Variants in RNF20 observed in about 807,000 individuals in gnomAD.
The protein encoded by RNF20 is ring finger protein 20.
Under a neutral mutation model 126.2 loss-of-function variants are expected in RNF20, and 84 were observed. That is an observed-to-expected ratio of 0.67 (90% confidence interval 0.56 to 0.80). RNF20 has a LOEUF of 0.80. Ranked by LOEUF, RNF20 falls within the 30% of genes least tolerant of loss-of-function variation. The pLI is 0.00. For synonymous variants in RNF20, 400 were observed against 414.3 expected (o/e 0.97, Z 0.42); for missense variants, 869 against 1,188.2 (o/e 0.73, Z 3.95).
At chr9:101,559,200 G>C (rs1471204188) in intron 16 of RNF20, among the ~76,000 whole-genome samples, 1 of 152,052 alleles carries the variant, frequency 6.6e-6, no homozygotes, top group African/African-American at 2.4e-5. Context: ...TCAAAGATCA[G>C]TTGACTACGT....
intron 13 of RNF20, among the ~76,000 whole-genome samples, chr9:101,553,189 T>C (rs751263588): frequency 3.3e-5 from 5 of 152,214 alleles, no homozygotes; most frequent in Admixed American, 6.5e-5. Flanking sequence ...GGTTTGTGAA[T>C]ATGCCATATC....
chr9:101,546,434 G>GT (rs1827348496), intron 6 of RNF20, among the ~76,000 whole-genome samples: 1 of 152,000 alleles, frequency 6.6e-6, no homozygotes, highest in African/African-American at 2.4e-5. Context: ...AAATTTGGGG[G>GT]TAAAAATGGT....
chr9:101,547,190 C>T lies in RNF20; in HGVS notation c.948C>T (p.Gly316=). 2 of 1,614,100 alleles carry T rather than the reference C, an allele frequency of 1.2e-6. No homozygotes were observed. Among genetic ancestry groups the T allele is most frequent in the Non-Finnish European group, 1.7e-6 (2 of 1,179,992 alleles). Residue 316 remains glycine, a synonymous_variant, in exon 8 of 20, where the codon GGC becomes GGT. Coordinates refer to ENST00000389120, the MANE Select transcript of RNF20 (RefSeq NM_019592.7). ...GAGCGGGGAGCAGTCTGTATGGCGG[C>T]ACAATCACTATCAATGCTCGGAAGG... The part of the protein sequence containing the change: ...VYGAGSSLYG[G]TITINARKFE...
chr9:101,535,698 G>A (rs1478577447), intron 2 of RNF20, 146 bp downstream of exon 2: 2 of 772,848 alleles, frequency 2.6e-6, no homozygotes, highest in Non-Finnish European at 4.1e-6. Flanking sequence ...GTAAAATGAT[G>A]TGGTAGTCAG....
At chr9:101,552,025 T>G (rs1827454395) in intron 11 of RNF20, 116 bp from the exon 12 acceptor site, 1 of 1,418,218 alleles carries the variant, frequency 7.1e-7, no homozygotes, top group African/African-American at 1.4e-5. Context: ...AGAAGGAATC[T>G]TTTATTTGGT....
intron 9 of RNF20, 57 bp from the exon 10 acceptor site, chr9:101,550,549 C>A: frequency 6.8e-7 from 1 of 1,479,440 alleles, no homozygotes; most frequent in South Asian, 1.2e-5. Flanking sequence ...TACTTCCTGT[C>A]TAGCGTCTGG....
At chr9:101,538,264 TTGA>T (rs762155986) in intron 2 of RNF20, among the ~76,000 whole-genome samples, 10 of 152,262 alleles carry the variant, frequency 6.6e-5, no homozygotes, top group Admixed American at 4.6e-4. Flanking sequence ...GGTCAGTGAC[TTGA>T]TGATTCAAGT....
chr9:101,535,921 T>C (rs1827776523), intron 2 of RNF20, among the ~76,000 whole-genome samples: 2 of 152,040 alleles, frequency 1.3e-5, no homozygotes, highest in Non-Finnish European at 2.9e-5. Context: ...AGAGTGAGAG[T>C]CTGAGACCAG....
At chr9:101,545,020 C>T in intron 6 of RNF20, 135 bp downstream of exon 6, 1 of 661,028 alleles carries the variant, frequency 1.5e-6, no homozygotes, top group South Asian at 1.7e-5. Flanking sequence ...AAACACAACA[C>T]AACTCCAAAC....
At position 101,535,466 on chromosome 9, in the gene RNF20, A is replaced by G. The variant is rs1827168235; in HGVS notation, c.43A>G (p.Thr15Ala). The change falls in exon 2 of 20, where the codon ACC becomes GCC. Residue 15 changes from threonine (T) to alanine (A), a missense_variant. By Grantham distance (58) the Thr-to-Ala change is moderately conservative. Transcript: ENST00000389120. ...GNKRAAGEPG[T>A]SMPPEKKAAV... is the part of the protein sequence containing the mutation. ...TAAAAGAGCAGCTGGAGAACCTGGC[A>G]CCTCCATGCCTCCTGAGAAGAAGGC... The G allele has an allele frequency of 1.2e-6, 2 of 1,613,760 alleles. No homozygotes were observed. The highest frequency in any genetic ancestry group is 1.7e-6 in the Non-Finnish European group (2 of 1,179,910).
chr9:101,558,524 C>T (rs1055833415), intron 16 of RNF20, among the ~76,000 whole-genome samples: 2 of 152,174 alleles, frequency 1.3e-5, no homozygotes, highest in Non-Finnish European at 2.9e-5. Context: ...TTCCCACCAA[C>T]AGTGTAAAAG....
intron 13 of RNF20, 114 bp from the exon 14 acceptor site, chr9:101,553,874 T>C: frequency 3.3e-6 from 2 of 598,280 alleles, no homozygotes; most frequent in Non-Finnish European, 5.9e-6. Flanking sequence ...AGGTGTGATA[T>C]GAAATGTAAA....
chr9:101,546,451 GA>G (rs1363211479), intron 6 of RNF20, among the ~76,000 whole-genome samples: 1 of 151,722 alleles, frequency 6.6e-6, no homozygotes, highest in Non-Finnish European at 1.5e-5. Context: ...TGGTTTTTTT[GA>G]AAAAATATTT....
chr9:101,550,430 C>T (rs1827423989), intron 9 of RNF20, among the ~76,000 whole-genome samples, 176 bp from the exon 10 acceptor site: 1 of 152,124 alleles, frequency 6.6e-6, no homozygotes, highest in Non-Finnish European at 1.5e-5. Context: ...CCTAGTTAGT[C>T]TAATTTAATT....
intron 9 of RNF20, among the ~76,000 whole-genome samples, chr9:101,549,832 G>C (rs989223646): frequency 1.3e-5 from 2 of 152,170 alleles, no homozygotes; most frequent in South Asian, 4.1e-4. Context: ...TATGATTATA[G>C]AGCGAGGATT....
At chr9:101,547,841 A>G (rs1352533034) in intron 9 of RNF20, among the ~76,000 whole-genome samples, 2 of 152,226 alleles carry the variant, frequency 1.3e-5, no homozygotes, top group Admixed American at 6.5e-5. Context: ...AGGATAAGAA[A>G]TAAAGGCCTC....
intron 9 of RNF20, among the ~76,000 whole-genome samples, chr9:101,550,168 A>G (rs1387847376): frequency 6.6e-6 from 1 of 152,260 alleles, no homozygotes; most frequent in Non-Finnish European, 1.5e-5. Context: ...AAGTTAAATC[A>G]GTTAAAAGTG....
rs1172076089 is a variant in RNF20, at chr9:101,540,463, T to G, written c.298-27T>G. ...TTTCCAAAGTTGTGTCCTTTGTTTC[T>G]TCATAATTGTACCTACCCTTCTCCA... On this transcript the variant is annotated intron_variant, in intron 3 of 19. Coordinates refer to ENST00000389120, the MANE Select transcript of RNF20 (RefSeq NM_019592.7). 8 of 1,612,036 alleles carry G rather than the reference T, an allele frequency of 5.0e-6. No individual in the cohort carries two copies. The South Asian group carries it at 8.8e-5, about 18-fold the overall frequency.
intron 10 of RNF20, 89 bp from the exon 11 acceptor site, chr9:101,551,595 C>G (rs1827446274): frequency 3.2e-6 from 2 of 617,578 alleles, no homozygotes; most frequent in Non-Finnish European, 4.5e-6. Flanking sequence ...ATAGATTGAA[C>G]TGGAAATTTT....
Sources: allele counts gnomAD v4.1 joint callset (sites outside exome capture counted in the v4.1 genomes callset), GRCh38; gene constraint gnomAD v4.1.1; transcripts MANE v1.5; gene names NCBI Gene and HGNC (gene_info 2026-07-23, HGNC 2026-07-21).